ADAM22: variants seen among roughly 807,000 people sequenced by gnomAD.
ADAM22 encodes the protein ADAM metallopeptidase domain 22, also known as disintegrin and metalloproteinase domain-containing protein 22.
ADAM22 carries 65 observed loss-of-function variants against 144.6 expected under a neutral mutation model. That is an observed-to-expected ratio of 0.45 (90% confidence interval 0.37 to 0.55). ADAM22 has a LOEUF of 0.55. Among genes scored for constraint, ADAM22 ranks in the 20% least tolerant of loss-of-function variants. The pLI is 0.00. For missense variants in ADAM22, 974 were observed against 1,184.9 expected, an observed-to-expected ratio of 0.82 and a Z score of 2.61; for synonymous variants, 391 against 412.6, an observed-to-expected ratio of 0.95 and a Z score of 0.63.
At chr7:87,969,127 C>T (rs1849835269) in intron 2 of ADAM22, among the ~76,000 whole-genome samples, 1 of 152,148 alleles carries the variant, frequency 6.6e-6, no homozygotes, top group Non-Finnish European at 1.5e-5. Flanking sequence ...GATGCAAATC[C>T]TAACCATATC....
chr7:88,127,730 G>A (rs945795078), intron 8 of ADAM22, among the ~76,000 whole-genome samples: 3 of 151,786 alleles, frequency 2.0e-5, no homozygotes, highest in African/African-American at 7.3e-5. Context: ...TACCCTTATC[G>A]CAAAAATGGA....
At position 88,101,338 on chromosome 7, in the gene ADAM22, G is replaced by C. The variant is rs529222915; in HGVS notation, c.391-6838G>C. ...TGGTTCTAGGACCAGTGCCCATGGAGGGGGAGAAGGCTATGATTCAGTGAA... is the reference window on the plus strand; with the variant it reads ...TGGTTCTAGGACCAGTGCCCATGGACGGGGAGAAGGCTATGATTCAGTGAA... On this transcript the variant is annotated intron_variant, in intron 4 of 31. Transcript: ENST00000413139. Among the ~76,000 whole-genome samples the C allele has an allele frequency of 5.9e-5, 9 of 152,188 alleles. No individual in the cohort carries two copies. The East Asian group carries it at 1.7e-3, about 29-fold the overall frequency.
chr7:88,044,533 CCT>C (rs1468710310), intron 3 of ADAM22, among the ~76,000 whole-genome samples: 16 of 145,722 alleles, frequency 1.1e-4, no homozygotes, highest in East Asian at 6.2e-4. Flanking sequence ...TGCAACCTCC[CCT>C]TCCCGGGTTC....
intron 27 of ADAM22, among the ~76,000 whole-genome samples, chr7:88,179,908 T>A (rs936691143): frequency 6.6e-6 from 1 of 152,072 alleles, no homozygotes; most frequent in East Asian, 1.9e-4. Context: ...GGAAAAAAGG[T>A]TTGGTAGCCC....
At chr7:88,159,050 C>A (rs1840806665) in intron 22 of ADAM22, among the ~76,000 whole-genome samples, 1 of 151,852 alleles carries the variant, frequency 6.6e-6, no homozygotes. Context: ...CAAATTAATA[C>A]ATCAGAAACG....
intron 3 of ADAM22, among the ~76,000 whole-genome samples, chr7:88,038,371 T>C (rs777816357): frequency 2.9e-4 from 44 of 152,012 alleles, no homozygotes; most frequent in Admixed American, 3.9e-4. Flanking sequence ...TCCCTGGATT[T>C]AAACTTAGAC....
chr7:88,189,672 G>A (rs997256353), intron 30 of ADAM22, among the ~76,000 whole-genome samples: 2 of 152,098 alleles, frequency 1.3e-5, no homozygotes, highest in African/African-American at 4.8e-5. Flanking sequence ...TAGGCCAGGC[G>A]CAGTGGCTCA....
chr7:88,093,408 G>C (rs936616928), intron 4 of ADAM22, among the ~76,000 whole-genome samples: 2 of 152,136 alleles, frequency 1.3e-5, no homozygotes, highest in African/African-American at 4.8e-5. Flanking sequence ...ATCAGAAAAG[G>C]TAATAAAGAC....
intron 3 of ADAM22, among the ~76,000 whole-genome samples, chr7:88,026,531 A>G (rs1351901951): frequency 1.3e-5 from 2 of 152,182 alleles, no homozygotes; most frequent in African/African-American, 2.4e-5. Flanking sequence ...CACAGATTCA[A>G]ACCATATTAG....
chr7:88,159,644 A>C (rs2129528771), intron 22 of ADAM22, among the ~76,000 whole-genome samples: 1 of 152,290 alleles, frequency 6.6e-6, no homozygotes, highest in African/African-American at 2.4e-5. Flanking sequence ...AAACAGAACT[A>C]AAGACAAAAA....
intron 3 of ADAM22, among the ~76,000 whole-genome samples, chr7:88,053,070 A>G (rs760563393): frequency 3.3e-5 from 5 of 152,122 alleles, no homozygotes; most frequent in Non-Finnish European, 5.9e-5. Context: ...CCTTTGAGCA[A>G]TATCTATTAT....
At chr7:87,969,926 G>GT (rs1850025107) in intron 2 of ADAM22, among the ~76,000 whole-genome samples, 1 of 152,160 alleles carries the variant, frequency 6.6e-6, no homozygotes, top group Non-Finnish European at 1.5e-5. Flanking sequence ...AAAAGGGAGA[G>GT]TAACATGGAG....
intron 2 of ADAM22, among the ~76,000 whole-genome samples, chr7:87,953,170 T>C (rs914352674): frequency 6.6e-6 from 1 of 152,188 alleles, no homozygotes; most frequent in African/African-American, 2.4e-5. Flanking sequence ...TAGTTATTTC[T>C]TGCCTTCTGC....
intron 4 of ADAM22, among the ~76,000 whole-genome samples, chr7:88,083,862 G>T (rs955126825): frequency 7.2e-5 from 11 of 151,940 alleles, no homozygotes; most frequent in Admixed American, 7.2e-4. Context: ...GAAAGGACAG[G>T]ATTCATCTAG....
At chr7:88,026,749 C>G (rs960447015) in intron 3 of ADAM22, among the ~76,000 whole-genome samples, 8 of 152,108 alleles carry the variant, frequency 5.3e-5, no homozygotes, top group African/African-American at 1.7e-4. Context: ...GCTAGGTCTT[C>G]CAGTACTATG....
chr7:88,070,171 A>G (rs1159109568), intron 3 of ADAM22, among the ~76,000 whole-genome samples: 3 of 152,140 alleles, frequency 2.0e-5, no homozygotes, highest in Non-Finnish European at 4.4e-5. Flanking sequence ...CATTTACCCC[A>G]TTAGACAAAT....
chr7:87,935,419 C>A (rs1035755382), intron 2 of ADAM22, among the ~76,000 whole-genome samples: 8 of 152,156 alleles, frequency 5.3e-5, no homozygotes, highest in African/African-American at 1.7e-4. Context: ...GTGCGGGGTG[C>A]CTTCAGCAGT....
rs59898382 is a variant in ADAM22 at position 88,045,888 on chromosome 7, TTGTGTGTGTGTGTGTG to T, written c.324-29708_324-29693del. 2.4e-3 allele frequency among the ~76,000 whole-genome samples: 323 copies of T among 134,016 alleles called. 4 individuals are homozygous for T. Among genetic ancestry groups the T allele is most frequent in the African/African-American group, 8.4e-3 (300 of 35,656 alleles). 87.9% of individuals were successfully genotyped at this position (134,016 alleles called of 152,430 possible). ...CATTTTAAGGCTGAGTCGTATTCTA[TTGTGTGTGTGTGTGTG>T]TGTGTGTGTGTGTGTGTGTGTGTGT... On this transcript the variant is annotated intron_variant, in intron 3 of 31. Coordinates refer to ENST00000413139, the MANE Select transcript of ADAM22 (RefSeq NM_001324418.2).
At chr7:88,134,491 T>C (rs1832542325) in intron 13 of ADAM22, 72 bp downstream of exon 13, 1 of 1,201,066 alleles carries the variant, frequency 8.3e-7, no homozygotes, top group Non-Finnish European at 1.2e-6. Flanking sequence ...GAGAGTAAAA[T>C]TTTTTGATTT....
Sources: gnomAD v4.1 joint callset for allele counts (sites outside exome capture counted in the v4.1 genomes callset) on GRCh38, gnomAD v4.1.1 for gene constraint, MANE v1.5 for transcripts, NCBI Gene and HGNC (gene_info 2026-07-23, HGNC 2026-07-21) for gene names.